Variants in CTNND2 observed in about 807,000 individuals in gnomAD.
CTNND2 encodes catenin delta-2.
Under a neutral mutation model 144.4 loss-of-function variants are expected in CTNND2, and 22 were observed. That is an observed-to-expected ratio of 0.15 (90% CI 0.11 to 0.22). The LOEUF is 0.22. Among genes scored for constraint, CTNND2 ranks in the 10% least tolerant of loss-of-function variants. The probability of loss-of-function intolerance (pLI) is 1.00; values close to 1 mark genes in which losing one functional copy is unlikely to be tolerated. For synonymous variants in CTNND2, 751 were observed against 695.6 expected (o/e 1.08, Z -1.25); for missense variants, 1,353 against 1,618.8 (o/e 0.84, Z 2.82).
At chr5:11,370,570 C>A (rs57317518) in intron 7 of CTNND2, among the ~76,000 whole-genome samples, 1 of 152,152 alleles carries the variant, frequency 6.6e-6, no homozygotes, top group African/African-American at 2.4e-5. Flanking sequence ...CAGGTCCATG[C>A]TGGATTTTTT....
chr5:11,083,843 TC>T, intron 15 of CTNND2: 2 of 1,069,614 alleles, frequency 1.9e-6, no homozygotes, highest in Non-Finnish European at 2.3e-6. Context: ...CCACCCCCCT[TC>T]CCCCATGGGG....
At chr5:11,733,305 G>A (rs928823668) in intron 1 of CTNND2, among the ~76,000 whole-genome samples, 1 of 152,124 alleles carries the variant, frequency 6.6e-6, no homozygotes, top group African/African-American at 2.4e-5. Context: ...CACTCTCTGA[G>A]AGTGGATAGT....
intron 12 of CTNND2, among the ~76,000 whole-genome samples, chr5:11,129,082 T>TATAAATATATATTATATATAAATAAA (rs1755150318): frequency 1.7e-4 from 3 of 18,110 alleles, no homozygotes; most frequent in Non-Finnish European, 4.7e-4. Flanking sequence ...ATAAATAAAA[T>TATAAATATATATTATATATAAATAAA]ATATATATTA....
chr5:11,300,012 C>A (rs142493284), intron 9 of CTNND2, among the ~76,000 whole-genome samples: 287 of 152,268 alleles, frequency 1.9e-3, no homozygotes, highest in African/African-American at 6.7e-3. Flanking sequence ...AAGAAATGGG[C>A]AGCTTTCAGG....
rs530838911 is a variant in CTNND2, at chr5:11,395,793, G to A, written c.612+1238C>T. 2.0e-5 allele frequency among the ~76,000 whole-genome samples: 3 copies of A among 152,202 alleles called. No homozygotes were observed. In the South Asian group the frequency reaches 6.2e-4, roughly 32 times the overall value. Reference sequence around the variant, plus strand: ...GGCACAGTAATTTAATGTTAGTAGTGGAAATCCAAAAAACTTCCAGCTCCT... The same window carrying A: ...GGCACAGTAATTTAATGTTAGTAGTAGAAATCCAAAAAACTTCCAGCTCCT... On this transcript the variant is annotated intron_variant, in intron 6 of 21. Coordinates refer to ENST00000304623, the MANE Select transcript of CTNND2 (RefSeq NM_001332.4).
At chr5:11,249,396 T>G (rs1743339762) in intron 9 of CTNND2, among the ~76,000 whole-genome samples, 1 of 152,146 alleles carries the variant, frequency 6.6e-6, no homozygotes, top group Non-Finnish European at 1.5e-5. Flanking sequence ...AAATTTGACT[T>G]GTTTTGTGTG....
chr5:11,384,535 T>C lies in CTNND2; in HGVS notation c.1177+130A>G. The C allele has an allele frequency of 1.3e-6, 1 of 785,162 alleles. No homozygotes were observed. The highest frequency in any genetic ancestry group is 2.0e-6 in the Non-Finnish European group (1 of 505,772). 48.6% of individuals were successfully genotyped at this position (785,162 alleles called of 1,614,324 possible). On this transcript the variant is annotated intron_variant, in intron 7 of 21. Coordinates refer to ENST00000304623, the MANE Select transcript of CTNND2 (RefSeq NM_001332.4). This position sits in a 1 kb window ranked among gnomAD's most constrained non-coding sequence, Gnocchi z 5.2. ...TTGTTCCAGGAAAGCCCTGGCGTTC[T>C]CTGTCTCCTGCAACTACTACAACCT... is the stretch of plus-strand genomic sequence containing the variant.
At chr5:11,867,215 C>A (rs1018406906) in intron 1 of CTNND2, among the ~76,000 whole-genome samples, 3 of 152,184 alleles carry the variant, frequency 2.0e-5, no homozygotes, top group Non-Finnish European at 4.4e-5. Context: ...TTGCTAGAGG[C>A]TGTGGTACTA....
At chr5:11,296,501 A>G (rs1364039418) in intron 9 of CTNND2, among the ~76,000 whole-genome samples, 2 of 152,234 alleles carry the variant, frequency 1.3e-5, no homozygotes, top group Non-Finnish European at 2.9e-5. Context: ...CCAAAAGATT[A>G]TAAAACATGC....
At position 11,272,590 on chromosome 5, in the gene CTNND2, C is replaced by T. The variant is rs148676193; in HGVS notation, c.1629-35767G>A. 1.1e-3 allele frequency among the ~76,000 whole-genome samples: 164 copies of T among 152,166 alleles called. 1 individual carries two copies. Among genetic ancestry groups the T allele is most frequent in the African/African-American group, 3.4e-3 (143 of 41,508 alleles). ...TCAATCCCCTAAATACTGGTGAAAACGCTCTGAACTGATTTTACAACTCCA... is the reference window on the plus strand; with the variant it reads ...TCAATCCCCTAAATACTGGTGAAAATGCTCTGAACTGATTTTACAACTCCA... On this transcript the variant is annotated intron_variant, in intron 9 of 21. Transcript: ENST00000304623.
intron 2 of CTNND2, among the ~76,000 whole-genome samples, chr5:11,722,962 G>A (rs982422458): frequency 1.3e-5 from 2 of 152,048 alleles, no homozygotes; most frequent in African/African-American, 4.8e-5. Flanking sequence ...AACATCAAGA[G>A]TTTCATCAAG....
chr5:11,592,165 TG>T (rs1561599839), intron 2 of CTNND2, among the ~76,000 whole-genome samples: 2 of 122,818 alleles, frequency 1.6e-5, no homozygotes, highest in Non-Finnish European at 1.8e-5. Flanking sequence ...CCTGCCTGCC[TG>T]CCTTCCTGCC....
chr5:11,054,992 G>C (rs982982256), intron 16 of CTNND2, among the ~76,000 whole-genome samples: 1 of 152,126 alleles, frequency 6.6e-6, no homozygotes, highest in Non-Finnish European at 1.5e-5. Flanking sequence ...TGGCAGCTCT[G>C]TCCCTGGCTG....
At chr5:11,317,855 C>T (rs973515476) in intron 9 of CTNND2, among the ~76,000 whole-genome samples, 5 of 152,034 alleles carry the variant, frequency 3.3e-5, no homozygotes, top group African/African-American at 1.2e-4. Context: ...GTGAAGATGC[C>T]CAGAGCTTCC....
At chr5:11,222,177 G>C (rs889892600) in intron 10 of CTNND2, among the ~76,000 whole-genome samples, 1 of 152,070 alleles carries the variant, frequency 6.6e-6, no homozygotes, top group Non-Finnish European at 1.5e-5. Flanking sequence ...GAGAGGCGGG[G>C]GGAAGATAAA....
At position 11,818,004 on chromosome 5, in the gene CTNND2, T is replaced by TTTTTTTTC. The variant is rs1554126308; in HGVS notation, c.38-85733_38-85732insGAAAAAAA. ...GTGTTTTTTTTTTTTTTTTTTTTTTTCAGTTCTCCTCCATCCAATATCAAA... is the reference window on the plus strand; with the variant it reads ...GTGTTTTTTTTTTTTTTTTTTTTTTTTTTTTTTCCAGTTCTCCTCCATCCAATATCAAA... On this transcript the variant is annotated intron_variant, in intron 1 of 21. Transcript: ENST00000304623. Among the ~76,000 whole-genome samples, 7 of 93,252 alleles carry TTTTTTTTC rather than the reference T, an allele frequency of 7.5e-5. 1 individual carries two copies. The highest frequency in any genetic ancestry group is 3.7e-4 in the East Asian group (1 of 2,694). The allele number at this position is 93,252 out of a possible 152,430, so 61.2% of individuals were successfully genotyped here. A position where few individuals can be genotyped will look rare whatever the true frequency, so the allele number is the denominator to read the frequency against.
At chr5:11,707,893 C>T (rs1299069373) in intron 2 of CTNND2, among the ~76,000 whole-genome samples, 4 of 152,178 alleles carry the variant, frequency 2.6e-5, no homozygotes, top group Admixed American at 2.6e-4. Flanking sequence ...GCCTCCATTT[C>T]TACATCTTTA....
chr5:11,558,651 TA>T (rs1159999973), intron 3 of CTNND2, among the ~76,000 whole-genome samples: 2 of 152,086 alleles, frequency 1.3e-5, no homozygotes, highest in Admixed American at 1.3e-4. Flanking sequence ...ATTACAGGTG[TA>T]AGCCACTGGC....
intron 16 of CTNND2, among the ~76,000 whole-genome samples, chr5:11,047,752 C>T (rs1257298416): frequency 6.6e-6 from 1 of 152,126 alleles, no homozygotes; most frequent in African/African-American, 2.4e-5. Flanking sequence ...ATGTCGCTAG[C>T]TCCCTCTTGC....
Sources: allele counts gnomAD v4.1 joint callset (sites outside exome capture counted in the v4.1 genomes callset), GRCh38; gene constraint gnomAD v4.1.1; non-coding constraint Gnocchi (gnomAD v3.1); transcripts MANE v1.5; gene names NCBI Gene and HGNC (gene_info 2026-07-23, HGNC 2026-07-21).